WDR64: variants seen among roughly 807,000 people sequenced by gnomAD.
WDR64 encodes WD repeat domain 64.
Under a neutral mutation model 139.3 loss-of-function variants are expected in WDR64, and 112 were observed. The observed-to-expected ratio is 0.80, with a 90% CI of 0.69 to 0.94. The LOEUF (loss-of-function observed/expected upper bound fraction) is 0.94. Among genes scored for constraint, WDR64 ranks in the 40% least tolerant of loss-of-function variants. The pLI, the probability that WDR64 is intolerant of heterozygous loss-of-function variation, is 0.00. For missense variants in WDR64, 1,206 were observed against 1,293.1 expected, an observed-to-expected ratio of 0.93 and a Z score of 1.03; for synonymous variants, 444 against 437.7, an observed-to-expected ratio of 1.01 and a Z score of -0.18.
chr1:241,750,349 AC>A (rs1163958799), intron 14 of WDR64, among the ~76,000 whole-genome samples: 4 of 152,132 alleles, frequency 2.6e-5, no homozygotes, highest in Non-Finnish European at 5.9e-5. Flanking sequence ...CATTGCCTTT[AC>A]CCTTTTGAAA....
At chr1:241,747,628 C>T (rs1209576954) in intron 13 of WDR64, among the ~76,000 whole-genome samples, 1 of 152,072 alleles carries the variant, frequency 6.6e-6, no homozygotes, top group East Asian at 1.9e-4. Context: ...GACAGTGTCT[C>T]CTTGGTATGT....
At chr1:241,746,846 G>A (rs1234337090) in intron 13 of WDR64, among the ~76,000 whole-genome samples, 1 of 150,102 alleles carries the variant, frequency 6.7e-6, no homozygotes, top group Non-Finnish European at 1.5e-5. Context: ...TGCAACCTCC[G>A]CCTCCTGGGT....
chr1:241,758,060 A>G (rs1264342342), intron 15 of WDR64, among the ~76,000 whole-genome samples: 1 of 152,056 alleles, frequency 6.6e-6, no homozygotes, highest in Non-Finnish European at 1.5e-5. Context: ...AACCTGTTAA[A>G]TATCTTTTTT....
intron 8 of WDR64, among the ~76,000 whole-genome samples, chr1:241,705,559 A>AAAT (rs71174832): frequency 0.034 from 4,579 of 136,530 alleles, 137 homozygotes; most frequent in East Asian, 0.15. Context: ...ATAAATAAAT[A>AAAT]AATAATAATA....
chr1:241,684,579 G>A (rs1666937229), intron 7 of WDR64, among the ~76,000 whole-genome samples: 2 of 152,128 alleles, frequency 1.3e-5, no homozygotes, highest in South Asian at 2.1e-4. Flanking sequence ...TTAAAAATGG[G>A]GAAGACGCTG....
chr1:241,692,413 T>G (rs1472507161), intron 8 of WDR64, among the ~76,000 whole-genome samples: 1 of 152,176 alleles, frequency 6.6e-6, no homozygotes, highest in African/African-American at 2.4e-5. Context: ...GTAATAAAGA[T>G]AGTGCGGTAT....
At chr1:241,789,270 A>G (rs989891873) in intron 24 of WDR64, among the ~76,000 whole-genome samples, 1 of 152,222 alleles carries the variant, frequency 6.6e-6, no homozygotes, top group African/African-American at 2.4e-5. Context: ...TATCTGTAGC[A>G]AAATGGGCCT....
At position 241,796,273 on chromosome 1, in the gene WDR64, G is replaced by C; in HGVS notation, c.3095G>C (p.Ser1032Thr). The C allele has an allele frequency of 6.2e-7, 1 of 1,613,416 alleles. No individual in the cohort carries two copies. Residue 1032 changes from serine to threonine, a missense_variant, in exon 27 of 28, where the codon AGT (serine) becomes ACT (threonine). Transcript: ENST00000437684. Reference sequence around the variant, plus strand: ...GGCTTCCAGATATCAAGCCCCACTAGTCTAAGATTTCTTCCACTGATTGGC... The same window carrying C: ...GGCTTCCAGATATCAAGCCCCACTACTCTAAGATTTCTTCCACTGATTGGC... The part of the protein sequence containing the change: ...LPIYSISSPT[S>T]LRFLPLIGVE...
rs1378400766 is a variant in WDR64 at position 241,766,375 on chromosome 1, C to T, written c.2081+24C>T. 3 of 1,609,958 alleles carry T rather than the reference C, an allele frequency of 1.9e-6. No individual in the cohort carries two copies. The South Asian group carries it at 3.3e-5, about 18-fold the overall frequency. On this transcript the variant is annotated intron_variant, in intron 16 of 27. Coordinates refer to ENST00000437684, the MANE Select transcript of WDR64 (RefSeq NM_001367482.1). ...GTGTAAGTTGTGTATTATCCTTAAA[C>T]AATGTAAAAGCTTTACTGCAGAAGG... is the stretch of plus-strand genomic sequence containing the variant.
chr1:241,757,454 A>C lies in WDR64; in HGVS notation c.1942A>C (p.Thr648Pro). 1 of 1,605,682 alleles carries C rather than the reference A, an allele frequency of 6.2e-7. No homozygotes were observed. The highest frequency in any genetic ancestry group is 8.5e-7 in the Non-Finnish European group (1 of 1,176,646). ...AGTTGAGAGGAACTTTTCTCAACCT[A>C]CTGATGTAAGTTTCCTCTCTTGGTT... ...LIVERNFSQP[T>P]DNPTMDLLRV... Residue 648 changes from threonine to proline, a missense_variant, in exon 15 of 28, where the codon ACT becomes CCT. Physicochemically the swap from Thr to Pro is conservative, Grantham distance 38. Transcript: ENST00000437684.
chr1:241,801,056 A>T, intron 27 of WDR64, 76 bp from the exon 28 acceptor site: 1 of 1,147,982 alleles, frequency 8.7e-7, no homozygotes, highest in Non-Finnish European at 1.3e-6. Flanking sequence ...GTAAATTAGC[A>T]ATACACCTTG....
Position 241,801,680 on chromosome 1 carries a change from C to T in WDR64, c.*465C>T, listed in dbSNP as rs771321794. 1.4e-4 allele frequency: 54 copies of T among 398,508 alleles called. No homozygotes were observed. The highest frequency in any genetic ancestry group is 3.5e-4 in the Admixed American group (8 of 22,724). 24.7% of individuals were successfully genotyped at this position (398,508 alleles called of 1,614,324 possible). ...CAGATCTCTAGATGTTTGTCTTCTT[C>T]ATTTAGAGAAATATTATCTGGAAGA... On this transcript the variant is annotated 3_prime_UTR_variant, in exon 28 of 28. Coordinates refer to ENST00000437684, the MANE Select transcript of WDR64 (RefSeq NM_001367482.1).
chr1:241,751,405 G>C (rs1017126466), intron 14 of WDR64, among the ~76,000 whole-genome samples: 1 of 152,130 alleles, frequency 6.6e-6, no homozygotes, highest in African/African-American at 2.4e-5. Flanking sequence ...ATGGAGGAAA[G>C]ATAAACCCAA....
intron 26 of WDR64, 32 bp from the exon 27 acceptor site, chr1:241,796,221 TTGAG>T: frequency 6.7e-7 from 1 of 1,498,324 alleles, no homozygotes; most frequent in African/African-American, 1.4e-5. Flanking sequence ...AGTAATCACT[TTGAG>T]TGTGTCTCAC....
intron 4 of WDR64, among the ~76,000 whole-genome samples, chr1:241,675,121 C>CTTCT (rs1666470473): frequency 3.4e-5 from 2 of 58,638 alleles, no homozygotes; most frequent in African/African-American, 8.0e-5. Flanking sequence ...TCCTCCCTCC[C>CTTCT]TCCTTCCCTC....
chr1:241,696,825 C>G (rs1163716487), intron 8 of WDR64, among the ~76,000 whole-genome samples: 1 of 152,100 alleles, frequency 6.6e-6, no homozygotes, highest in Admixed American at 6.6e-5. Context: ...GGACCTGTAT[C>G]TTGTGTTGAC....
intron 3 of WDR64, among the ~76,000 whole-genome samples, chr1:241,674,176 G>C (rs1666361870): frequency 6.6e-6 from 1 of 150,638 alleles, no homozygotes; most frequent in Non-Finnish European, 1.5e-5. Flanking sequence ...TGGTTGCCGG[G>C]TTTTAGGTTT....
intron 23 of WDR64, among the ~76,000 whole-genome samples, chr1:241,787,200 A>G (rs1442836052): frequency 3.0e-5 from 1 of 33,482 alleles, no homozygotes; most frequent in Non-Finnish European, 1.1e-4. Context: ...TAAAAATACA[A>G]AAAAAAAAAA....
intron 8 of WDR64, among the ~76,000 whole-genome samples, chr1:241,705,459 G>A (rs996626321): frequency 4.0e-5 from 6 of 151,376 alleles, no homozygotes; most frequent in Admixed American, 6.6e-5. Context: ...GGAGAATGGC[G>A]TGAACCCGGG....
Sources: gnomAD v4.1 joint callset for allele counts (sites outside exome capture counted in the v4.1 genomes callset) on GRCh38, gnomAD v4.1.1 for gene constraint, MANE v1.5 for transcripts, NCBI Gene and HGNC (gene_info 2026-07-23, HGNC 2026-07-21) for gene names.